PREX2: variants seen among roughly 807,000 people sequenced by gnomAD.
PREX2 encodes phosphatidylinositol-3,4,5-trisphosphate dependent Rac exchange factor 2.
PREX2 carries 107 observed loss-of-function variants against 203.2 expected under a neutral mutation model. The ratio of observed to expected loss-of-function variants is 0.53; its 90% CI spans 0.45 to 0.62. The LOEUF is 0.62. PREX2 is among the 20% of genes least tolerant of loss of function. PREX2 has a pLI of 0.00. For synonymous variants in PREX2, 672 were observed against 663.6 expected, an observed-to-expected ratio of 1.01 and a Z score of -0.19; for missense variants, 1,777 against 1,955.9, an observed-to-expected ratio of 0.91 and a Z score of 1.72.
chr8:68,134,013 T>C, intron 31 of PREX2, 46 bp from the exon 32 acceptor site: 1 of 1,494,332 alleles, frequency 6.7e-7, no homozygotes, highest in Non-Finnish European at 9.3e-7. Flanking sequence ...GTTTTCACCA[T>C]CTGCAACATT....
chr8:67,985,215 A>C (rs1806382413), intron 1 of PREX2, among the ~76,000 whole-genome samples: 1 of 152,208 alleles, frequency 6.6e-6, no homozygotes. Flanking sequence ...ACTCATCAGC[A>C]TTTGGTAGGC....
At chr8:68,114,360 G>A (rs1396798447) in intron 25 of PREX2, 1 of 493,652 alleles carries the variant, frequency 2.0e-6, no homozygotes. Context: ...GGAAAAATGA[G>A]AATCAAGATA....
rs12680555 is a variant in PREX2, at chr8:68,080,779, T to C, written c.1819T>C (p.Leu607=). 819,332 of 1,539,698 alleles carry C rather than the reference T, an allele frequency of 0.53. 220,880 individuals are homozygous for C. Among genetic ancestry groups the C allele is most frequent in the South Asian group, 0.56 (48,312 of 86,988 alleles). ...KSNEGSYGFG[L]EDKNKVPIIK... ...CAATGAAGGCAGCTATGGCTTTGGATTAGAAGACAAAAATAAAGTTCCAAT... is the reference window on the plus strand; with the variant it reads ...CAATGAAGGCAGCTATGGCTTTGGACTAGAAGACAAAAATAAAGTTCCAAT... Residue 607 remains leucine, a synonymous_variant, in exon 17 of 40, where the codon TTA becomes CTA. Transcript: ENST00000288368.
At chr8:68,120,095 A>C in intron 28 of PREX2, 101 bp from the exon 29 acceptor site, 1 of 733,812 alleles carries the variant, frequency 1.4e-6, no homozygotes, top group African/African-American at 1.8e-5. Flanking sequence ...TTTCAAAAAT[A>C]ATTGTTGCTT....
intron 23 of PREX2, chr8:68,101,377 C>T (rs1319567901): frequency 3.9e-6 from 2 of 518,818 alleles, no homozygotes; most frequent in Admixed American, 1.9e-5. Flanking sequence ...GTTTGCATTA[C>T]TATTGTATCT....
At chr8:67,984,114 T>A (rs1806346295) in intron 1 of PREX2, among the ~76,000 whole-genome samples, 1 of 152,326 alleles carries the variant, frequency 6.6e-6, no homozygotes, top group Admixed American at 6.5e-5. Flanking sequence ...TTCTAAGGTG[T>A]CAGCTTCTTA....
intron 1 of PREX2, among the ~76,000 whole-genome samples, chr8:67,966,430 G>GTT (rs11448237): frequency 1.8e-3 from 263 of 148,208 alleles, no homozygotes; most frequent in South Asian, 3.4e-3. Context: ...AAATCTACAG[G>GTT]TTTTTTTTTT....
chr8:68,101,511 A>C, intron 23 of PREX2: 1 of 515,062 alleles, frequency 1.9e-6, no homozygotes, highest in Non-Finnish European at 3.9e-6. Flanking sequence ...GGAAGATTCC[A>C]TGAATGTACC....
rs145797980 is a variant in PREX2 at position 68,004,583 on chromosome 8, C to T, written c.142-13263C>T. On this transcript the variant is annotated intron_variant, in intron 1 of 39. Transcript: ENST00000288368. ...GATAAAAGGACCATGTCAAATGATA[C>T]GAAACATTCTCCTTACTTTAGATAA... Among the ~76,000 whole-genome samples, 230 of 152,300 alleles carry T rather than the reference C, an allele frequency of 1.5e-3. 1 individual carries two copies. Among genetic ancestry groups the T allele is most frequent in the African/African-American group, 5.3e-3 (221 of 41,558 alleles).
chr8:67,954,752 G>A (rs1805446511), intron 1 of PREX2, among the ~76,000 whole-genome samples: 1 of 152,118 alleles, frequency 6.6e-6, no homozygotes, highest in Non-Finnish European at 1.5e-5. Flanking sequence ...ATGGATGAAG[G>A]ATGACTAATC....
At position 68,203,331 on chromosome 8, in the gene PREX2, AT is replaced by A. The variant is rs545662414; in HGVS notation, c.4604+10807del. On this transcript the variant is annotated intron_variant, in intron 37 of 39. Coordinates refer to ENST00000288368, the MANE Select transcript of PREX2 (RefSeq NM_024870.4). ...TGGAGGGCTGCTACAGGAAGAAAAT[AT>A]GCATTCATCTTTGAGGGGATTGTGG... Among the ~76,000 whole-genome samples the A allele has an allele frequency of 4.2e-3, 645 of 152,266 alleles. 4 individuals carry two copies. Among genetic ancestry groups the A allele is most frequent in the South Asian group, 0.013 (62 of 4,824 alleles).
intron 38 of PREX2, among the ~76,000 whole-genome samples, chr8:68,219,704 T>A (rs1016312291): frequency 6.6e-6 from 1 of 152,206 alleles, no homozygotes; most frequent in Non-Finnish European, 1.5e-5. Flanking sequence ...CTGGGCAGAC[T>A]GGTGGCCCCA....
chr8:68,063,198 A>T (rs1021853158), intron 11 of PREX2, among the ~76,000 whole-genome samples: 5 of 152,230 alleles, frequency 3.3e-5, no homozygotes, highest in Admixed American at 2.6e-4. Context: ...TGTCTTTAAT[A>T]GGATCGCATA....
At chr8:67,972,602 A>T in intron 1 of PREX2, among the ~76,000 whole-genome samples, 1 of 152,004 alleles carries the variant, frequency 6.6e-6, no homozygotes, top group East Asian at 1.9e-4. Context: ...AGCTCCCTTC[A>T]CTTCCCCGGC....
chr8:68,225,092 A>C (rs1030903758), intron 39 of PREX2, among the ~76,000 whole-genome samples: 1 of 152,174 alleles, frequency 6.6e-6, no homozygotes, highest in Admixed American at 6.5e-5. Flanking sequence ...ATCTTGTCAT[A>C]TTGACCTATG....
At chr8:68,219,530 C>T (rs192758634) in intron 38 of PREX2, among the ~76,000 whole-genome samples, 99 of 152,156 alleles carry the variant, frequency 6.5e-4, no homozygotes, top group African/African-American at 2.1e-3. Flanking sequence ...GTTCTTCCCC[C>T]GAATTTTTTT....
intron 37 of PREX2, among the ~76,000 whole-genome samples, chr8:68,211,754 T>C (rs946708985): frequency 7.2e-5 from 11 of 151,996 alleles, no homozygotes; most frequent in African/African-American, 2.2e-4. Context: ...GGGGGAGGGG[T>C]TTGTACAATG....
chr8:68,175,614 C>T (rs973936170), intron 35 of PREX2, among the ~76,000 whole-genome samples: 2 of 152,174 alleles, frequency 1.3e-5, no homozygotes, highest in Middle Eastern at 3.4e-3. Context: ...TACTTGAAAA[C>T]AAAAGAAAGT....
Position 68,008,777 on chromosome 8 carries a change from G to T in PREX2, c.142-9069G>T, listed in dbSNP as rs576763543. ...TGAGATCTGATGGTTTTATAAAGGGGAATTCCCCTGCACATGCTGTCTTGC... is the reference window on the plus strand; with the variant it reads ...TGAGATCTGATGGTTTTATAAAGGGTAATTCCCCTGCACATGCTGTCTTGC... On this transcript the variant is annotated intron_variant, in intron 1 of 39. Transcript: ENST00000288368. 3.7e-4 allele frequency among the ~76,000 whole-genome samples: 56 copies of T among 152,172 alleles called. No individual in the cohort carries two copies. In the South Asian group the frequency reaches 0.011, roughly 30 times the overall value.
Sources: allele counts gnomAD v4.1 joint callset (sites outside exome capture counted in the v4.1 genomes callset), GRCh38; gene constraint gnomAD v4.1.1; transcripts MANE v1.5; gene names NCBI Gene and HGNC (gene_info 2026-07-23, HGNC 2026-07-21).